The following HDAC4 variants were observed in gnomAD, a reference collection of about 807,000 sequenced individuals.
The protein encoded by HDAC4 is histone deacetylase A.
In HDAC4, 16 loss-of-function variants were observed where a neutral mutation model predicts 135.1. The observed-to-expected ratio is 0.12, with a 90% CI of 0.08 to 0.18. The LOEUF (loss-of-function observed/expected upper bound fraction) is 0.18, where lower values mean the gene tolerates loss of function less well. HDAC4 is among the 10% of genes least tolerant of loss of function. The pLI is 1.00. For missense variants in HDAC4, 1,143 were observed against 1,511.8 expected (o/e 0.76, Z 4.05); for synonymous variants, 685 against 653.4 (o/e 1.05, Z -0.74).
At chr2:239,216,681 C>T (rs959196570) in intron 3 of HDAC4, among the ~76,000 whole-genome samples, 1 of 152,214 alleles carries the variant, frequency 6.6e-6, no homozygotes, top group Non-Finnish European at 1.5e-5. Context: ...CCAGACCCTC[C>T]GCCTTCACTC....
At chr2:239,119,913 G>A (rs1174779721) in intron 12 of HDAC4, among the ~76,000 whole-genome samples, 5 of 151,626 alleles carry the variant, frequency 3.3e-5, no homozygotes, top group Non-Finnish European at 1.5e-5. Flanking sequence ...GGGTCCAGCG[G>A]CAGTGGGGAC....
chr2:239,249,351 G>C (rs2048649783), intron 2 of HDAC4, among the ~76,000 whole-genome samples: 1 of 152,188 alleles, frequency 6.6e-6, no homozygotes, highest in Non-Finnish European at 1.5e-5. Context: ...GGCGGAGAGA[G>C]AGCTGGGAGA....
At chr2:239,071,409 C>A (rs765483923) in intron 22 of HDAC4, among the ~76,000 whole-genome samples, 7 of 152,066 alleles carry the variant, frequency 4.6e-5, no homozygotes, top group African/African-American at 1.4e-4. Context: ...GAGCAAAACT[C>A]CACCTCAGAA....
At chr2:239,124,450 C>A (rs1408403121) in intron 12 of HDAC4, among the ~76,000 whole-genome samples, 1 of 152,252 alleles carries the variant, frequency 6.6e-6, no homozygotes, top group African/African-American at 2.4e-5. Flanking sequence ...TCCCGTGCTG[C>A]CGCTTGTCAG....
rs139937769 is a variant in HDAC4, at chr2:239,125,931, C to T, written c.1533+525G>A. ...CCTGTACAACTGCACCCGGGCCCCC[C>T]GGCCCTGTACGCTGCTTACCCTGTA... On this transcript the variant is annotated intron_variant, in intron 12 of 26. Coordinates refer to ENST00000543185, the MANE Select transcript of HDAC4 (RefSeq NM_001378414.1). Among the ~76,000 whole-genome samples the T allele has an allele frequency of 2.7e-3, 410 of 152,362 alleles. 1 individual carries two copies. The highest frequency in any genetic ancestry group is 3.9e-3 in the Non-Finnish European group (263 of 68,032).
At chr2:239,120,412 CACAG>C (rs904563752) in intron 12 of HDAC4, among the ~76,000 whole-genome samples, 2 of 139,892 alleles carry the variant, frequency 1.4e-5, no homozygotes, top group African/African-American at 2.6e-5. Context: ...GACACACACA[CACAG>C]ACACAGACAG....
intron 14 of HDAC4, among the ~76,000 whole-genome samples, chr2:239,110,003 A>G (rs2038524349): frequency 6.6e-6 from 1 of 152,244 alleles, no homozygotes; most frequent in Non-Finnish European, 1.5e-5. Context: ...CCAGGAGACC[A>G]CGTGGCTAAA....
At chr2:239,244,295 G>A (rs773501590) in intron 2 of HDAC4, among the ~76,000 whole-genome samples, 29 of 152,304 alleles carry the variant, frequency 1.9e-4, no homozygotes, top group Middle Eastern at 3.4e-3. Flanking sequence ...CTTCTGCTGG[G>A]AGGATTGGCC....
At position 239,347,836 on chromosome 2, in the gene HDAC4, A is replaced by G. The variant is rs114565656; in HGVS notation, c.22+4842T>C. ...GGCCACTTATTTTGTTTTGAACTAA[A>G]CATTATCCGTACCTCGCACCAAGAT... On this transcript the variant is annotated intron_variant, in intron 2 of 26. Transcript: ENST00000543185. Among the ~76,000 whole-genome samples the G allele has an allele frequency of 9.8e-3, 1,486 of 152,236 alleles. 24 individuals are homozygous for G. The highest frequency in any genetic ancestry group is 0.034 in the African/African-American group (1,403 of 41,516).
rs11895350 is a variant in HDAC4, at chr2:239,134,146, G to A, written c.1294+99C>T. The A allele has an allele frequency of 0.022, 20,035 of 894,930 alleles. 2,618 individuals carry two copies. In the African/African-American group the frequency reaches 0.29, roughly 13 times the overall value. The allele number at this position is 894,930 out of a possible 1,614,324, so 55.4% of individuals were successfully genotyped here. On this transcript the variant is annotated intron_variant, in intron 11 of 26. Coordinates refer to ENST00000543185, the MANE Select transcript of HDAC4 (RefSeq NM_001378414.1). The stretch of plus-strand genomic sequence containing the variant: ...TGGGAACTGTGGGGGTGGGACAGGC[G>A]TGCATTCCTGTCTCCTCCAAAGGCA...
At chr2:239,163,624 C>G (rs529264097) in intron 6 of HDAC4, among the ~76,000 whole-genome samples, 179 bp downstream of exon 6, 2 of 152,022 alleles carry the variant, frequency 1.3e-5, no homozygotes, top group South Asian at 4.1e-4. Context: ...GGCTGCCGCA[C>G]GAGTGTACCC....
chr2:239,161,463 C>T (rs184452248), intron 6 of HDAC4, among the ~76,000 whole-genome samples: 3 of 152,242 alleles, frequency 2.0e-5, no homozygotes, highest in East Asian at 1.9e-4. Flanking sequence ...ACTAATCATG[C>T]GTGGTGTGAA....
chr2:239,266,893 C>T (rs907558856), intron 2 of HDAC4, among the ~76,000 whole-genome samples: 1 of 152,140 alleles, frequency 6.6e-6, no homozygotes, highest in Non-Finnish European at 1.5e-5. Flanking sequence ...CCAGGGGACA[C>T]CAGGTCATTA....
intron 2 of HDAC4, among the ~76,000 whole-genome samples, chr2:239,295,103 C>G (rs374477906): frequency 6.6e-6 from 1 of 151,648 alleles, no homozygotes; most frequent in African/African-American, 2.4e-5. Context: ...GTCAGGAGAT[C>G]GAGACCATCC....
intron 2 of HDAC4, among the ~76,000 whole-genome samples, chr2:239,271,480 G>GA (rs1225967421): frequency 1.3e-5 from 2 of 152,280 alleles, no homozygotes; most frequent in Admixed American, 1.3e-4. Flanking sequence ...GTTGTGTTTG[G>GA]AATAATGAGG....
chr2:239,304,153 A>G (rs1313532568), intron 2 of HDAC4, among the ~76,000 whole-genome samples: 11 of 152,226 alleles, frequency 7.2e-5, no homozygotes, highest in Non-Finnish European at 1.3e-4. Flanking sequence ...AATGAGGATA[A>G]AAGCAGGATA....
chr2:239,373,863 C>T (rs923877396), intron 1 of HDAC4, among the ~76,000 whole-genome samples: 1 of 152,188 alleles, frequency 6.6e-6, no homozygotes, highest in African/African-American at 2.4e-5. Context: ...TCAATGAGGA[C>T]GGGTCCTTGA....
At chr2:239,150,943 T>C (rs1016177922) in intron 7 of HDAC4, among the ~76,000 whole-genome samples, 1 of 152,070 alleles carries the variant, frequency 6.6e-6, no homozygotes, top group Non-Finnish European at 1.5e-5. Flanking sequence ...AAGTATGTAC[T>C]ACATTACACC....
intron 2 of HDAC4, among the ~76,000 whole-genome samples, chr2:239,270,166 C>T (rs1415394461): frequency 2.0e-5 from 3 of 152,200 alleles, no homozygotes; most frequent in African/African-American, 7.2e-5. Context: ...CTGGAGGCTG[C>T]CCCATCAGCT....
Sources: allele counts gnomAD v4.1 joint callset (sites outside exome capture counted in the v4.1 genomes callset), GRCh38; gene constraint gnomAD v4.1.1; transcripts MANE v1.5; gene names NCBI Gene and HGNC (gene_info 2026-07-23, HGNC 2026-07-21).